The following RFX3 variants were observed in gnomAD, a reference collection of about 807,000 sequenced individuals.
RFX3 encodes the protein regulatory factor X3, also known as transcription factor RFX3.
A neutral mutation model predicts 98.6 loss-of-function variants in RFX3; 14 were observed. The ratio of observed to expected loss-of-function variants is 0.14; its 90% CI spans 0.09 to 0.22. The LOEUF is 0.22. Ranked by LOEUF, RFX3 falls within the 10% of genes least tolerant of loss-of-function variation. The pLI is 1.00. For missense variants in RFX3, 639 were observed against 926.9 expected (o/e 0.69, Z 4.03); for synonymous variants, 383 against 328.4 (o/e 1.17, Z -1.80).
Position 3,394,593 on chromosome 9 carries a change from C to T in RFX3, c.117+879G>A, listed in dbSNP as rs1275268203. The stretch of plus-strand genomic sequence containing the variant: ...TTCTATATCCTGTAAAGAATATAAC[C>T]TTGCATCTATCAATTATAAAAATGT... On this transcript the variant is annotated intron_variant, in intron 2 of 16. Coordinates refer to ENST00000617270, the MANE Select transcript of RFX3 (RefSeq NM_001282116.2). Among the ~76,000 whole-genome samples the T allele has an allele frequency of 2.6e-5, 4 of 152,316 alleles. No individual in the cohort carries two copies. The East Asian group carries it at 7.7e-4, about 29-fold the overall frequency.
At chr9:3,426,447 T>G (rs774540215) in intron 1 of RFX3, among the ~76,000 whole-genome samples, 14 of 152,020 alleles carry the variant, frequency 9.2e-5, no homozygotes, top group Admixed American at 5.2e-4. Flanking sequence ...ACCCCTCAAC[T>G]GTCTGTGGAA....
At chr9:3,377,138 T>G (rs1326106231) in intron 2 of RFX3, among the ~76,000 whole-genome samples, 4 of 152,182 alleles carry the variant, frequency 2.6e-5, no homozygotes, top group Non-Finnish European at 5.9e-5. Flanking sequence ...TAAAGACACA[T>G]GCACACGTAT....
At chr9:3,470,360 G>A (rs1848668144) in intron 1 of RFX3, among the ~76,000 whole-genome samples, 1 of 150,330 alleles carries the variant, frequency 6.7e-6, no homozygotes, top group African/African-American at 2.4e-5. Flanking sequence ...TGTCGCCCAG[G>A]CTGGAGTGCA....
At chr9:3,404,429 G>A (rs955169422) in intron 1 of RFX3, among the ~76,000 whole-genome samples, 2 of 151,982 alleles carry the variant, frequency 1.3e-5, no homozygotes, top group Non-Finnish European at 2.9e-5. Context: ...TTTCAAATAA[G>A]TCATCTATAC....
Position 3,221,805 on chromosome 9 carries a change from T to C in RFX3, c.*3237A>G, listed in dbSNP as rs1255273474. The stretch of plus-strand genomic sequence containing the variant: ...ATACCCATGATACTCAATCCTATCA[T>C]ATGAAAATATCTTTTCTGAAACTTG... On this transcript the variant is annotated 3_prime_UTR_variant, in exon 17 of 17. Transcript: ENST00000617270. 2.6e-5 allele frequency: 4 copies of C among 152,156 alleles called. No homozygotes were observed. Among genetic ancestry groups the C allele is most frequent in the East Asian group, 1.9e-4 (1 of 5,204 alleles). 9.4% of individuals were successfully genotyped at this position (152,156 alleles called of 1,614,324 possible).
At chr9:3,514,146 C>T (rs1384977367) in intron 1 of RFX3, among the ~76,000 whole-genome samples, 1 of 152,150 alleles carries the variant, frequency 6.6e-6, no homozygotes, top group Non-Finnish European at 1.5e-5. Context: ...CACAAAACTA[C>T]ACGAAGGTCA....
intron 9 of RFX3, among the ~76,000 whole-genome samples, chr9:3,272,526 T>C (rs745950791): frequency 6.6e-6 from 1 of 152,114 alleles, no homozygotes; most frequent in African/African-American, 2.4e-5. Context: ...CAGTCCTCAG[T>C]AACAATAAAA....
At chr9:3,265,450 C>A (rs565938398) in intron 12 of RFX3, among the ~76,000 whole-genome samples, 4 of 152,226 alleles carry the variant, frequency 2.6e-5, no homozygotes, top group East Asian at 1.9e-4. Context: ...AACTCTGCCC[C>A]CCGATTCAAA....
At chr9:3,419,704 C>T (rs149491403) in intron 1 of RFX3, among the ~76,000 whole-genome samples, 47 of 152,272 alleles carry the variant, frequency 3.1e-4, no homozygotes, top group African/African-American at 9.6e-4. Flanking sequence ...CATGGATGCT[C>T]TAGTCCCTCA....
chr9:3,414,965 T>TAC (rs1354443238), intron 1 of RFX3, among the ~76,000 whole-genome samples: 1 of 135,562 alleles, frequency 7.4e-6, no homozygotes, highest in Non-Finnish European at 1.5e-5. Flanking sequence ...TGTGTATATA[T>TAC]TCATATATAC....
chr9:3,301,703 A>G (rs1828679376), intron 4 of RFX3, 83 bp from the exon 5 acceptor site: 5 of 977,848 alleles, frequency 5.1e-6, no homozygotes, highest in Non-Finnish European at 6.3e-6. Flanking sequence ...TAGATTCTTT[A>G]AAGTCCAACT....
At chr9:3,419,435 T>G (rs1263062357) in intron 1 of RFX3, among the ~76,000 whole-genome samples, 1 of 152,200 alleles carries the variant, frequency 6.6e-6, no homozygotes, top group South Asian at 2.1e-4. Flanking sequence ...TACCATATTT[T>G]AATAAAAACT....
intron 1 of RFX3, chr9:3,400,325 A>C (rs1429679065): frequency 1.7e-5 from 7 of 408,582 alleles, no homozygotes; most frequent in Non-Finnish European, 2.3e-5. Context: ...ATAGGTAAAA[A>C]ACAATGGTTG....
At chr9:3,254,651 C>T (rs1372376861) in intron 14 of RFX3, among the ~76,000 whole-genome samples, 2 of 152,176 alleles carry the variant, frequency 1.3e-5, no homozygotes, top group East Asian at 1.9e-4. Flanking sequence ...CATTCTCCTA[C>T]CTCAGCCTCC....
At chr9:3,305,566 G>A (rs1434383498) in intron 4 of RFX3, among the ~76,000 whole-genome samples, 1 of 151,912 alleles carries the variant, frequency 6.6e-6, no homozygotes, top group African/African-American at 2.4e-5. Context: ...CAGAAATGGG[G>A]AAGAAGAGTA....
chr9:3,421,019 CAAAAAAAA>C (rs145747158), intron 1 of RFX3: 1 of 177,290 alleles, frequency 5.6e-6, no homozygotes, highest in Admixed American at 1.0e-4. Context: ...TACTATGTGC[CAAAAAAAA>C]AAAAAAAAAC....
rs1467940229 is a variant in RFX3 at position 3,248,071 on chromosome 9, A to G, written c.1929T>C (p.Ala643=). 5.0e-6 allele frequency: 8 copies of G among 1,614,014 alleles called. No individual in the cohort carries two copies. Among genetic ancestry groups the G allele is most frequent in the Non-Finnish European group, 5.1e-6 (6 of 1,179,918 alleles). ...YMFYLVEHRV[A]QATGETPIAV... ...CTATAGGAGTCTCTCCTGTTGCCTGAGCAACACGATGTTCTACTAAGTAAA... is the reference window on the plus strand; with the variant it reads ...CTATAGGAGTCTCTCCTGTTGCCTGGGCAACACGATGTTCTACTAAGTAAA... The change falls in exon 15 of 17, where the codon GCT becomes GCC. Residue 643 remains alanine, a synonymous_variant. Transcript: ENST00000617270.
At chr9:3,362,643 G>C (rs1836589779) in intron 2 of RFX3, among the ~76,000 whole-genome samples, 1 of 152,330 alleles carries the variant, frequency 6.6e-6, no homozygotes, top group South Asian at 2.1e-4. Context: ...CAGCATAAGT[G>C]TAATAGTGTT....
intron 1 of RFX3, among the ~76,000 whole-genome samples, chr9:3,474,530 T>C (rs1402946744): frequency 6.6e-6 from 1 of 152,234 alleles, no homozygotes; most frequent in Non-Finnish European, 1.5e-5. Flanking sequence ...AAGCTCATAA[T>C]ATCAATGACG....
Sources: gnomAD v4.1 joint callset for allele counts (sites outside exome capture counted in the v4.1 genomes callset) on GRCh38, gnomAD v4.1.1 for gene constraint, MANE v1.5 for transcripts, NCBI Gene and HGNC (gene_info 2026-07-23, HGNC 2026-07-21) for gene names.